Variants in RPRD1B observed in about 807,000 individuals in gnomAD.
The protein encoded by RPRD1B is regulation of nuclear pre-mRNA domain containing 1B, also known as regulation of nuclear pre-mRNA domain-containing protein 1B.
RPRD1B carries 11 observed loss-of-function variants against 41.5 expected under a neutral mutation model. That is an observed-to-expected ratio of 0.27 (90% CI 0.17 to 0.44). RPRD1B has a LOEUF of 0.44. Ranked by LOEUF, RPRD1B falls within the 20% of genes least tolerant of loss-of-function variation. The pLI is 1.00. For synonymous variants in RPRD1B, 158 were observed against 155.6 expected, an observed-to-expected ratio of 1.02 and a Z score of -0.12; for missense variants, 248 against 389.9, an observed-to-expected ratio of 0.64 and a Z score of 3.06.
chr20:38,069,376 T>A (rs1230744970), intron 6 of RPRD1B, among the ~76,000 whole-genome samples: 1 of 152,244 alleles, frequency 6.6e-6, no homozygotes, highest in Non-Finnish European at 1.5e-5. Flanking sequence ...TTGGCGGTTC[T>A]GATTGTGGTT....
chr20:38,045,780 C>T (rs988260096), intron 2 of RPRD1B, among the ~76,000 whole-genome samples: 2 of 152,222 alleles, frequency 1.3e-5, no homozygotes, highest in Admixed American at 6.5e-5. Flanking sequence ...AGAGAATCTG[C>T]AGCAAACAGA....
intron 1 of RPRD1B, 37 bp from the exon 2 acceptor site, chr20:38,040,398 T>A (rs745938312): frequency 9.1e-6 from 14 of 1,532,542 alleles, no homozygotes; most frequent in Non-Finnish European, 1.2e-5. Flanking sequence ...AGAATTTCTT[T>A]GGTGTAAGTT....
intron 6 of RPRD1B, among the ~76,000 whole-genome samples, chr20:38,082,622 C>A (rs1008909791): frequency 5.0e-4 from 76 of 152,114 alleles, no homozygotes; most frequent in African/African-American, 1.5e-3. Flanking sequence ...CTCCTGACCT[C>A]GTGATCCGCC....
At chr20:38,075,100 A>G (rs1314172057) in intron 6 of RPRD1B, among the ~76,000 whole-genome samples, 1 of 151,990 alleles carries the variant, frequency 6.6e-6, no homozygotes, top group Non-Finnish European at 1.5e-5. Context: ...TGTTTGGATT[A>G]TTTTCTTCCT....
chr20:38,034,930 T>A (rs1374850223), intron 1 of RPRD1B, among the ~76,000 whole-genome samples: 13 of 152,212 alleles, frequency 8.5e-5, no homozygotes, highest in African/African-American at 3.1e-4. Flanking sequence ...GTGCCTTAAT[T>A]TTCTTATCTA....
chr20:38,059,970 G>A (rs541948837), intron 5 of RPRD1B, among the ~76,000 whole-genome samples: 64 of 152,168 alleles, frequency 4.2e-4, no homozygotes, highest in South Asian at 8.3e-4. Context: ...TCAGGTGTCT[G>A]TTAGACATGT....
At chr20:38,078,524 A>G (rs1160028658) in intron 6 of RPRD1B, among the ~76,000 whole-genome samples, 2 of 151,658 alleles carry the variant, frequency 1.3e-5, no homozygotes, top group African/African-American at 2.4e-5. Flanking sequence ...AGAGCACCAC[A>G]TAGGTTGTCA....
chr20:38,056,984 CTT>C (rs2074249039), intron 3 of RPRD1B, among the ~76,000 whole-genome samples: 1 of 152,084 alleles, frequency 6.6e-6, no homozygotes, highest in South Asian at 2.1e-4. Context: ...AAAATGGTAA[CTT>C]AAGTAATTTT....
intron 6 of RPRD1B, among the ~76,000 whole-genome samples, chr20:38,066,843 G>A (rs966356758): frequency 3.9e-5 from 6 of 152,048 alleles, no homozygotes; most frequent in African/African-American, 1.4e-4. Context: ...TTTTAGTAGG[G>A]ACGGGGTTTC....
chr20:38,038,949 A>G (rs551001615), intron 1 of RPRD1B, among the ~76,000 whole-genome samples: 13 of 152,366 alleles, frequency 8.5e-5, no homozygotes, highest in East Asian at 1.9e-4. Flanking sequence ...TTTTTCAGGT[A>G]CTTTAGCATT....
chr20:38,040,731 G>A (rs554211509), intron 2 of RPRD1B, among the ~76,000 whole-genome samples, 167 bp downstream of exon 2: 9 of 152,272 alleles, frequency 5.9e-5, no homozygotes, highest in East Asian at 1.9e-4. Flanking sequence ...AAGAACTATC[G>A]AGACATGTAA....
At position 38,092,329 on chromosome 20, in the gene RPRD1B, T is replaced by TA. The variant is rs762884737; in HGVS notation, c.*2455dup. ...AGTATATTCTGAAATGTCTCATAGA[T>TA]ATATATTTTTGAATAAAGATGGTGT... On this transcript the variant is annotated 3_prime_UTR_variant, in exon 7 of 7. Transcript: ENST00000373433. 22 of 984,404 alleles carry TA rather than the reference T, an allele frequency of 2.2e-5. No homozygotes were observed. The highest frequency in any genetic ancestry group is 2.7e-5 in the Non-Finnish European group (22 of 828,744). The allele number at this position is 984,404 out of a possible 1,614,324, so 61.0% of individuals were successfully genotyped here.
intron 3 of RPRD1B, among the ~76,000 whole-genome samples, chr20:38,055,632 C>T (rs1029711261): frequency 6.6e-6 from 1 of 152,116 alleles, no homozygotes; most frequent in Non-Finnish European, 1.5e-5. Context: ...ACTAATATGC[C>T]ATTGGGATTT....
chr20:38,075,688 C>G (rs191205530), intron 6 of RPRD1B, among the ~76,000 whole-genome samples: 6 of 152,146 alleles, frequency 3.9e-5, no homozygotes, highest in African/African-American at 1.4e-4. Flanking sequence ...TTTTCTGTCT[C>G]TAAAATGTTA....
intron 6 of RPRD1B, among the ~76,000 whole-genome samples, chr20:38,088,448 A>C (rs1333747982): frequency 6.6e-6 from 1 of 152,206 alleles, no homozygotes; most frequent in Non-Finnish European, 1.5e-5. Flanking sequence ...GACCAAGCCT[A>C]GGTCTCTGCA....
chr20:38,060,141 G>A (rs887447775), intron 5 of RPRD1B, among the ~76,000 whole-genome samples: 1 of 152,324 alleles, frequency 6.6e-6, no homozygotes, highest in Middle Eastern at 3.4e-3. Context: ...GTCTTTGGAG[G>A]TGACTAAATG....
At chr20:38,035,082 C>T (rs773276925) in intron 1 of RPRD1B, among the ~76,000 whole-genome samples, 3 of 152,280 alleles carry the variant, frequency 2.0e-5, no homozygotes, top group Admixed American at 2.0e-4. Context: ...TGAGACTCAT[C>T]TCGTGGTGAG....
intron 1 of RPRD1B, among the ~76,000 whole-genome samples, chr20:38,039,702 C>T (rs185359156): frequency 4.0e-5 from 6 of 150,258 alleles, no homozygotes; most frequent in African/African-American, 9.8e-5. Flanking sequence ...CCACGCTCGG[C>T]GAAACCATTT....
chr20:38,055,134 A>G (rs769169964), intron 3 of RPRD1B, among the ~76,000 whole-genome samples: 1 of 152,228 alleles, frequency 6.6e-6, no homozygotes, highest in Non-Finnish European at 1.5e-5. Context: ...TTTTTTTGTC[A>G]AAGAATTAAA....
Sources: gnomAD v4.1 joint callset for allele counts (sites outside exome capture counted in the v4.1 genomes callset) on GRCh38, gnomAD v4.1.1 for gene constraint, MANE v1.5 for transcripts, NCBI Gene and HGNC (gene_info 2026-07-23, HGNC 2026-07-21) for gene names.